Variants in ZNF804B observed in about 807,000 individuals in gnomAD.
ZNF804B encodes zinc finger 804B.
A neutral mutation model predicts 101.4 loss-of-function variants in ZNF804B; 80 were observed. The ratio of observed to expected loss-of-function variants is 0.79; its 90% confidence interval spans 0.66 to 0.95. The LOEUF (loss-of-function observed/expected upper bound fraction) is 0.95, where lower values mean the gene tolerates loss of function less well. ZNF804B is among the 40% of genes least tolerant of loss of function. The pLI is 0.00. For synonymous variants in ZNF804B, 622 were observed against 558.8 expected (o/e 1.11, Z -1.59); for missense variants, 1,673 against 1,561.9 (o/e 1.07, Z -1.20).
At chr7:89,265,067 C>G (rs889784784) in intron 2 of ZNF804B, among the ~76,000 whole-genome samples, 2 of 152,056 alleles carry the variant, frequency 1.3e-5, no homozygotes, top group Non-Finnish European at 2.9e-5. Flanking sequence ...TAGTTTTTAT[C>G]TCAATCACCA....
intron 1 of ZNF804B, among the ~76,000 whole-genome samples, chr7:88,808,613 A>G (rs1351327046): frequency 6.6e-6 from 1 of 152,166 alleles, no homozygotes; most frequent in Non-Finnish European, 1.5e-5. Flanking sequence ...ATATACAAAT[A>G]TTTGTCAGTA....
intron 1 of ZNF804B, among the ~76,000 whole-genome samples, chr7:88,853,943 T>A (rs1290844579): frequency 1.3e-5 from 2 of 152,150 alleles, no homozygotes; most frequent in Non-Finnish European, 2.9e-5. Flanking sequence ...TCGAGGGCTG[T>A]TAAAATTAGA....
At chr7:88,970,163 A>G (rs939090570) in intron 1 of ZNF804B, among the ~76,000 whole-genome samples, 9 of 151,524 alleles carry the variant, frequency 5.9e-5, no homozygotes, top group Non-Finnish European at 1.0e-4. Flanking sequence ...GACAGTAGAC[A>G]TTTAAGTGAC....
intron 1 of ZNF804B, among the ~76,000 whole-genome samples, chr7:88,868,530 A>T (rs1791771813): frequency 6.6e-6 from 1 of 152,204 alleles, no homozygotes; most frequent in South Asian, 2.1e-4. Context: ...ACATACTCCC[A>T]TACACACATA....
chr7:88,770,934 C>T (rs985450499), intron 1 of ZNF804B, among the ~76,000 whole-genome samples: 1 of 152,110 alleles, frequency 6.6e-6, no homozygotes, highest in Admixed American at 6.5e-5. Flanking sequence ...GAAATTTATG[C>T]AATTCGAAAT....
chr7:89,248,240 T>C (rs1477430663), intron 2 of ZNF804B, among the ~76,000 whole-genome samples: 1 of 151,974 alleles, frequency 6.6e-6, no homozygotes, highest in East Asian at 1.9e-4. Context: ...GACAGCAAGA[T>C]ACAAGAAATC....
chr7:88,842,616 T>G (rs1367766007), intron 1 of ZNF804B, among the ~76,000 whole-genome samples: 1 of 152,194 alleles, frequency 6.6e-6, no homozygotes, highest in African/African-American at 2.4e-5. Context: ...ATAATCTGTT[T>G]AATTAGGTAG....
chr7:88,895,175 T>A (rs1453211796), intron 1 of ZNF804B, among the ~76,000 whole-genome samples: 1 of 152,232 alleles, frequency 6.6e-6, no homozygotes, highest in Non-Finnish European at 1.5e-5. Flanking sequence ...AAACTGTATA[T>A]AACTACTAGG....
chr7:89,298,214 G>GTGTGTA (rs1790416174), intron 2 of ZNF804B, among the ~76,000 whole-genome samples: 1 of 58,712 alleles, frequency 1.7e-5, no homozygotes, highest in African/African-American at 7.1e-5. Flanking sequence ...GTGTGTGTGT[G>GTGTGTA]TGTATATATA....
intron 1 of ZNF804B, among the ~76,000 whole-genome samples, chr7:88,965,584 A>C (rs1486162743): frequency 6.6e-6 from 1 of 151,370 alleles, no homozygotes; most frequent in Non-Finnish European, 1.5e-5. Context: ...GAAACTTGAA[A>C]ACAGATGGCC....
chr7:89,265,303 C>CGT (rs1554386425), intron 2 of ZNF804B, among the ~76,000 whole-genome samples: 47,962 of 135,872 alleles, frequency 0.35, 7,669 homozygotes, highest in South Asian at 0.39. Flanking sequence ...TGCGCGTGCG[C>CGT]GCGCGCACAC....
chr7:88,793,925 A>G (rs1481716528), intron 1 of ZNF804B, among the ~76,000 whole-genome samples: 1 of 152,058 alleles, frequency 6.6e-6, no homozygotes, highest in African/African-American at 2.4e-5. Context: ...CATGAAAATG[A>G]TGTTAATATT....
intron 1 of ZNF804B, among the ~76,000 whole-genome samples, chr7:89,136,699 T>C (rs1790638812): frequency 6.6e-6 from 1 of 151,786 alleles, no homozygotes; most frequent in Admixed American, 6.6e-5. Flanking sequence ...ATCAGAATTT[T>C]TTCTTTTTAA....
At chr7:88,914,588 G>T (rs567600507) in intron 1 of ZNF804B, among the ~76,000 whole-genome samples, 4 of 152,146 alleles carry the variant, frequency 2.6e-5, no homozygotes, top group African/African-American at 9.6e-5. Flanking sequence ...TCAAATAATG[G>T]CCAGAAAATG....
intron 1 of ZNF804B, among the ~76,000 whole-genome samples, chr7:88,849,292 A>G (rs968301475): frequency 1.3e-5 from 2 of 152,108 alleles, no homozygotes; most frequent in African/African-American, 2.4e-5. Flanking sequence ...GTATTCTAAT[A>G]AAGTTCAGAT....
At chr7:88,887,834 T>C (rs567362373) in intron 1 of ZNF804B, among the ~76,000 whole-genome samples, 1 of 152,080 alleles carries the variant, frequency 6.6e-6, no homozygotes, top group Non-Finnish European at 1.5e-5. Context: ...CTACCCAGTC[T>C]CCACAAACAC....
At chr7:89,115,310 C>T (rs1226441656) in intron 1 of ZNF804B, among the ~76,000 whole-genome samples, 2 of 152,146 alleles carry the variant, frequency 1.3e-5, no homozygotes, top group African/African-American at 2.4e-5. Flanking sequence ...TTAATGAGAG[C>T]TTTACTCTTA....
At chr7:89,109,296 G>C (rs1288224980) in intron 1 of ZNF804B, among the ~76,000 whole-genome samples, 1 of 152,122 alleles carries the variant, frequency 6.6e-6, no homozygotes, top group Non-Finnish European at 1.5e-5. Flanking sequence ...AATACCATGA[G>C]ATAGTAAAGA....
At chr7:88,966,857 G>A (rs560808882) in intron 1 of ZNF804B, among the ~76,000 whole-genome samples, 1 of 151,448 alleles carries the variant, frequency 6.6e-6, no homozygotes, top group Non-Finnish European at 1.5e-5. Context: ...GTGTAATGTT[G>A]CAAGTAAGTC....
Sources: allele counts gnomAD v4.1 joint callset (sites outside exome capture counted in the v4.1 genomes callset), GRCh38; gene constraint gnomAD v4.1.1; transcripts MANE v1.5; gene names NCBI Gene and HGNC (gene_info 2026-07-23, HGNC 2026-07-21).